Variants in ALDH1L2 observed in about 807,000 individuals in gnomAD.
The protein encoded by ALDH1L2 is mitochondrial 10-formyltetrahydrofolate dehydrogenase.
In ALDH1L2, 91 loss-of-function variants were observed where a neutral mutation model predicts 111.0. That is an observed-to-expected ratio of 0.82 (90% CI 0.69 to 0.98). The LOEUF is 0.98. Ranked by LOEUF, ALDH1L2 falls within the 50% of genes least tolerant of loss-of-function variation. ALDH1L2 has a pLI of 0.00. For missense variants in ALDH1L2, 995 were observed against 1,126.8 expected (o/e 0.88, Z 1.67); for synonymous variants, 374 against 392.6 (o/e 0.95, Z 0.56).
At chr12:105,064,546 G>A (rs761068415) in intron 6 of ALDH1L2, among the ~76,000 whole-genome samples, 7 of 152,146 alleles carry the variant, frequency 4.6e-5, no homozygotes, top group African/African-American at 1.2e-4. Flanking sequence ...AGATTATCAA[G>A]ACAATCACAT....
intron 2 of ALDH1L2, chr12:105,072,460 C>T (rs574826818): frequency 3.9e-5 from 6 of 152,130 alleles, no homozygotes; most frequent in African/African-American, 1.2e-4. Context: ...TCACGATTAG[C>T]CCCTGATCAA....
chr12:105,043,697 C>A (rs2136065048), intron 15 of ALDH1L2, among the ~76,000 whole-genome samples: 1 of 152,320 alleles, frequency 6.6e-6, no homozygotes, highest in East Asian at 1.9e-4. Flanking sequence ...TAAATGGTTT[C>A]ATCTCCATCA....
chr12:105,062,849 CA>C (rs754522728), intron 7 of ALDH1L2, 38 bp downstream of exon 7: 4 of 1,590,180 alleles, frequency 2.5e-6, no homozygotes, highest in Non-Finnish European at 3.4e-6. Context: ...AGAAGAAAAT[CA>C]AAAGGTTATT....
At chr12:105,048,709 G>C (rs1216621711) in intron 13 of ALDH1L2, 1 of 152,058 alleles carries the variant, frequency 6.6e-6, no homozygotes, top group African/African-American at 2.4e-5. Flanking sequence ...TATTATTCCT[G>C]TATCTTTATC....
At position 105,026,726 on chromosome 12, in the gene ALDH1L2, C is replaced by T. The variant is rs747794876; in HGVS notation, c.2535G>A (p.Leu845=). The T allele has an allele frequency of 1.2e-6, 2 of 1,614,160 alleles. No homozygotes were observed. Among genetic ancestry groups the T allele is most frequent in the Non-Finnish European group, 8.5e-7 (1 of 1,180,016 alleles). ...KFQNGDIDGV[L]QRANSTEYGL... The stretch of plus-strand genomic sequence containing the variant: ...CATACTCTGTACTATTTGCTCGCTG[C>T]AACACTCCATCGATGTCCCTGTGTT... The change falls in exon 22 of 23, where the codon TTG becomes TTA. Residue 845 remains leucine (L), a synonymous_variant. Transcript: ENST00000258494.
At chr12:105,065,183 T>G in intron 6 of ALDH1L2, 84 bp downstream of exon 6, 4 of 844,798 alleles carry the variant, frequency 4.7e-6, no homozygotes, top group Non-Finnish European at 7.4e-6. Flanking sequence ...GGAAGAACCA[T>G]GGGAAGCCCA....
At chr12:105,055,456 G>T (rs921950346) in intron 10 of ALDH1L2, among the ~76,000 whole-genome samples, 11 of 152,156 alleles carry the variant, frequency 7.2e-5, no homozygotes, top group Non-Finnish European at 1.3e-4. Context: ...ATGGGGAGAA[G>T]GTCTGCTTTC....
At chr12:105,074,037 C>T in intron 1 of ALDH1L2, 32 bp from the exon 2 acceptor site, 1 of 1,613,436 alleles carries the variant, frequency 6.2e-7, no homozygotes. Context: ...AAGACATAAG[C>T]ATGGATAGAA....
chr12:105,063,114 G>T, intron 6 of ALDH1L2, 92 bp from the exon 7 acceptor site: 1 of 1,335,212 alleles, frequency 7.5e-7, no homozygotes, highest in Non-Finnish European at 1.0e-6. Flanking sequence ...AAACGCTGAA[G>T]TTCATATTAT....
chr12:105,058,023 A>G lies in ALDH1L2; in HGVS notation c.1287+50T>C, dbSNP rs781339710. Reference sequence around the variant, plus strand: ...GGCAACAGGCACAGCAGTCTTTTATAGTGTATGGATCTCACTGATTTAGGG... The same window carrying G: ...GGCAACAGGCACAGCAGTCTTTTATGGTGTATGGATCTCACTGATTTAGGG... On this transcript the variant is annotated intron_variant, in intron 10 of 22. Transcript: ENST00000258494. 29 of 1,555,316 alleles carry G rather than the reference A, an allele frequency of 1.9e-5. No homozygotes were observed. The Admixed American group carries it at 4.8e-4, about 26-fold the overall frequency.
chr12:105,082,929 G>A (rs543182026), intron 1 of ALDH1L2, among the ~76,000 whole-genome samples: 53 of 149,932 alleles, frequency 3.5e-4, no homozygotes, highest in Non-Finnish European at 6.5e-4. Flanking sequence ...GCTTCCTTTC[G>A]ACCACTGAGG....
intron 18 of ALDH1L2, among the ~76,000 whole-genome samples, chr12:105,035,699 C>T (rs1196188300): frequency 6.6e-6 from 1 of 151,860 alleles, no homozygotes; most frequent in African/African-American, 2.4e-5. Context: ...TTTGAGAAAT[C>T]TTTGAAATGA....
At chr12:105,082,219 T>G (rs1878365981) in intron 1 of ALDH1L2, among the ~76,000 whole-genome samples, 1 of 152,116 alleles carries the variant, frequency 6.6e-6, no homozygotes, top group African/African-American at 2.4e-5. Context: ...AAAAGATAAT[T>G]TGCATGGGTA....
At chr12:105,025,150 A>C (rs1874349827) in intron 22 of ALDH1L2, among the ~76,000 whole-genome samples, 1 of 152,180 alleles carries the variant, frequency 6.6e-6, no homozygotes, top group Non-Finnish European at 1.5e-5. Context: ...GGGAAAACTA[A>C]TGAGTGCGTG....
chr12:105,054,467 G>T (rs2136080486), intron 10 of ALDH1L2, among the ~76,000 whole-genome samples: 1 of 152,316 alleles, frequency 6.6e-6, no homozygotes, highest in South Asian at 2.1e-4. Context: ...GAGCTTTATG[G>T]TGTATTAACT....
chr12:105,036,555 T>C (rs1169353488), intron 18 of ALDH1L2, among the ~76,000 whole-genome samples: 1 of 43,770 alleles, frequency 2.3e-5, no homozygotes, highest in Non-Finnish European at 3.5e-5. Context: ...TATATATATA[T>C]ATATATATAT....
rs555161799 is a variant in ALDH1L2 at position 105,032,804 on chromosome 12, A to G, written c.2245-870T>C. The stretch of plus-strand genomic sequence containing the variant: ...TTAATATCACATACTTACACTGTTC[A>G]TGGCAAGAGAATTTCTAAAATGGTC... On this transcript the variant is annotated intron_variant, in intron 19 of 22. Transcript: ENST00000258494. Among the ~76,000 whole-genome samples, 6 of 152,326 alleles carry G rather than the reference A, an allele frequency of 3.9e-5. No homozygotes were observed. The East Asian group carries it at 1.2e-3, about 29-fold the overall frequency.
intron 16 of ALDH1L2, among the ~76,000 whole-genome samples, chr12:105,040,051 A>G (rs953544665): frequency 3.6e-5 from 5 of 140,062 alleles, no homozygotes; most frequent in African/African-American, 1.3e-4. Flanking sequence ...ACTTGAACCC[A>G]GGAGGCGGAG....
rs75418669 is a variant in ALDH1L2 at position 105,042,779 on chromosome 12, T to C, written c.1864-2085A>G. ...CCTTTTATTCAAATCAGCAAATACA[T>C]ATTTTCTTATTTTCCCTTCTTTCTC... On this transcript the variant is annotated intron_variant, in intron 15 of 22. Transcript: ENST00000258494. 2.4e-3 allele frequency among the ~76,000 whole-genome samples: 372 copies of C among 152,312 alleles called. 1 individual carries two copies. The highest frequency in any genetic ancestry group is 4.1e-3 in the Non-Finnish European group (276 of 68,028).
Sources: allele counts gnomAD v4.1 joint callset (sites outside exome capture counted in the v4.1 genomes callset), GRCh38; gene constraint gnomAD v4.1.1; transcripts MANE v1.5; gene names NCBI Gene and HGNC (gene_info 2026-07-23, HGNC 2026-07-21).